OPCML: variants seen among roughly 807,000 people sequenced by gnomAD.
The protein encoded by OPCML is opioid binding protein/cell adhesion molecule like, also known as opioid-binding protein/cell adhesion molecule.
A neutral mutation model predicts 37.8 loss-of-function variants in OPCML; 13 were observed. That is an observed-to-expected ratio of 0.34 (90% CI 0.22 to 0.55). The LOEUF (loss-of-function observed/expected upper bound fraction) is 0.55. OPCML is among the 20% of genes least tolerant of loss of function. The pLI is 0.91. For missense variants in OPCML, 341 were observed against 435.6 expected, an observed-to-expected ratio of 0.78 and a Z score of 1.93; for synonymous variants, 176 against 168.8, an observed-to-expected ratio of 1.04 and a Z score of -0.33.
intron 1 of OPCML, among the ~76,000 whole-genome samples, chr11:132,982,242 C>T (rs1320756134): frequency 6.6e-6 from 1 of 152,146 alleles, no homozygotes; most frequent in Non-Finnish European, 1.5e-5. Context: ...ATTTTTAAAG[C>T]TCATTTTAAA....
At chr11:133,341,149 C>A (rs1490654133) in intron 1 of OPCML, among the ~76,000 whole-genome samples, 1 of 152,172 alleles carries the variant, frequency 6.6e-6, no homozygotes, top group East Asian at 1.9e-4. Context: ...ATCCCCCATA[C>A]CTAGAACCCT....
At chr11:132,551,274 A>T (rs1017194204) in intron 3 of OPCML, among the ~76,000 whole-genome samples, 1 of 152,178 alleles carries the variant, frequency 6.6e-6, no homozygotes, top group Non-Finnish European at 1.5e-5. Context: ...GCAAAATTGT[A>T]ATTGAGACAG....
At chr11:133,505,372 G>A (rs1032942828) in intron 1 of OPCML, among the ~76,000 whole-genome samples, 1 of 152,172 alleles carries the variant, frequency 6.6e-6, no homozygotes, top group African/African-American at 2.4e-5. Flanking sequence ...GACTCTCCAT[G>A]GGGAGAAAGC....
At chr11:133,447,208 T>C (rs1302764695) in intron 1 of OPCML, among the ~76,000 whole-genome samples, 2 of 152,186 alleles carry the variant, frequency 1.3e-5, no homozygotes, top group African/African-American at 4.8e-5. Flanking sequence ...CTTGTTATTG[T>C]CTGTCTTTTT....
chr11:133,383,607 AAAC>A (rs1227796320), intron 1 of OPCML, among the ~76,000 whole-genome samples: 1 of 152,194 alleles, frequency 6.6e-6, no homozygotes, highest in Non-Finnish European at 1.5e-5. Context: ...ACATATCCAT[AAAC>A]AACATCCTGA....
At chr11:133,091,563 C>CA in intron 1 of OPCML, among the ~76,000 whole-genome samples, 1 of 152,212 alleles carries the variant, frequency 6.6e-6, no homozygotes, top group Non-Finnish European at 1.5e-5. Flanking sequence ...GACATAGGGT[C>CA]AAAGAAGATT....
At chr11:132,517,952 T>C (rs2096283741) in intron 4 of OPCML, among the ~76,000 whole-genome samples, 1 of 152,194 alleles carries the variant, frequency 6.6e-6, no homozygotes, top group Non-Finnish European at 1.5e-5. Context: ...AGATCAGAAA[T>C]GAGATGTTCT....
intron 3 of OPCML, among the ~76,000 whole-genome samples, chr11:132,599,335 GAGGAGGAGGAGGAAGAAGGAGGAGA>G (rs1467992380): frequency 6.7e-6 from 1 of 149,434 alleles, no homozygotes; most frequent in African/African-American, 2.5e-5. Flanking sequence ...GAAGAAGGAG[GAGGAGGAGGAGGAAGAAGGAGGAGA>G]AGGAGGAGGA....
intron 1 of OPCML, among the ~76,000 whole-genome samples, chr11:133,464,826 G>C (rs762624782): frequency 6.6e-6 from 1 of 152,184 alleles, no homozygotes; most frequent in Non-Finnish European, 1.5e-5. Flanking sequence ...GGGTCTGAGA[G>C]ATATTCAGGA....
chr11:132,746,299 T>G (rs1006478649), intron 2 of OPCML, among the ~76,000 whole-genome samples: 2 of 152,086 alleles, frequency 1.3e-5, no homozygotes, highest in Admixed American at 6.5e-5. Flanking sequence ...TTATTTTGTT[T>G]GTTTGTTTGT....
chr11:132,914,816 G>T (rs1178393629), intron 2 of OPCML, among the ~76,000 whole-genome samples: 4 of 152,224 alleles, frequency 2.6e-5, no homozygotes, highest in Admixed American at 2.6e-4. Context: ...TGTTGCAGCA[G>T]AATTCCATAC....
intron 1 of OPCML, among the ~76,000 whole-genome samples, chr11:133,356,830 A>T: frequency 6.6e-6 from 1 of 152,182 alleles, no homozygotes; most frequent in Non-Finnish European, 1.5e-5. Flanking sequence ...CAGATTTTTT[A>T]AAAGCGCGTG....
chr11:132,512,759 T>C (rs1268961976), intron 4 of OPCML, among the ~76,000 whole-genome samples: 9 of 151,746 alleles, frequency 5.9e-5, no homozygotes, highest in Non-Finnish European at 1.3e-4. Context: ...ACATGTAATA[T>C]ATATATATTA....
Position 133,458,290 on chromosome 11 carries a change from G to A in OPCML, c.61+73974C>T, listed in dbSNP as rs1206711072. The stretch of plus-strand genomic sequence containing the variant: ...TGTATATATACACACATATATACAC[G>A]TGTGTGTATATATATACACATATAT... On this transcript the variant is annotated intron_variant, in intron 1 of 7. Transcript: ENST00000524381. Among the ~76,000 whole-genome samples the A allele has an allele frequency of 3.5e-5, 2 of 57,874 alleles. 1 individual carries two copies. Among genetic ancestry groups the A allele is most frequent in the East Asian group, 1.0e-3 (2 of 1,946 alleles). The allele number at this position is 57,874 out of a possible 152,430, so 38.0% of individuals were successfully genotyped here.
intron 2 of OPCML, among the ~76,000 whole-genome samples, chr11:132,920,660 C>G (rs1944760104): frequency 6.6e-6 from 1 of 152,176 alleles, no homozygotes; most frequent in Non-Finnish European, 1.5e-5. Context: ...TTGTTATTAC[C>G]TCCTATTTCT....
chr11:133,411,513 C>T (rs207472566), intron 1 of OPCML, among the ~76,000 whole-genome samples: 1 of 152,184 alleles, frequency 6.6e-6, no homozygotes, highest in East Asian at 1.9e-4. Flanking sequence ...CCAGCCCTAA[C>T]TCTGGGGCAA....
chr11:133,260,841 C>T (rs768107066), intron 1 of OPCML, among the ~76,000 whole-genome samples: 15 of 151,632 alleles, frequency 9.9e-5, no homozygotes, highest in Non-Finnish European at 2.2e-4. Flanking sequence ...AGTAAAAAGA[C>T]TTACTTTCTT....
rs541564560 is a variant in OPCML, at chr11:133,000,152, G to T, written c.62-57142C>A. Among the ~76,000 whole-genome samples the T allele has an allele frequency of 5.9e-5, 9 of 152,236 alleles. No homozygotes were observed. The South Asian group carries it at 1.7e-3, about 28-fold the overall frequency. ...GCTCACTGCAACCTCTGCCTCCCAG[G>T]TTCAAACAATTCTCCTGCCTCAGCC... On this transcript the variant is annotated intron_variant, in intron 1 of 7. Transcript: ENST00000524381.
intron 1 of OPCML, among the ~76,000 whole-genome samples, chr11:133,050,769 G>A (rs981346632): frequency 6.7e-6 from 1 of 150,374 alleles, no homozygotes; most frequent in African/African-American, 2.5e-5. Context: ...AAGATAGATG[G>A]CCAGCTCAGG....
Sources: gnomAD v4.1 joint callset for allele counts (sites outside exome capture counted in the v4.1 genomes callset) on GRCh38, gnomAD v4.1.1 for gene constraint, MANE v1.5 for transcripts, NCBI Gene and HGNC (gene_info 2026-07-23, HGNC 2026-07-21) for gene names.